The following RYR2 variants were observed in gnomAD, a reference collection of about 807,000 sequenced individuals.
The protein encoded by RYR2 is cardiac muscle ryanodine receptor-calcium release channel.
In RYR2, 227 loss-of-function variants were observed where a neutral mutation model predicts 601.1. That is an observed-to-expected ratio of 0.38 (90% CI 0.34 to 0.42). The LOEUF is 0.42. Ranked by LOEUF, RYR2 falls within the 10% of genes least tolerant of loss-of-function variation. The pLI is 1.00. For synonymous variants in RYR2, 2,223 were observed against 2,175.1 expected (o/e 1.02, Z -0.61); for missense variants, 4,646 against 6,156.5 (o/e 0.75, Z 8.21).
chr1:237,714,528 TGAA>T (rs1689098595), intron 71 of RYR2, among the ~76,000 whole-genome samples: 1 of 152,196 alleles, frequency 6.6e-6, no homozygotes, highest in South Asian at 2.1e-4. Flanking sequence ...ACAGTATATT[TGAA>T]GAAGAGTCTG....
At chr1:237,824,777 T>A (rs1166666007) in intron 101 of RYR2, among the ~76,000 whole-genome samples, 1 of 152,184 alleles carries the variant, frequency 6.6e-6, no homozygotes, top group African/African-American at 2.4e-5. Flanking sequence ...GAAAACCCCA[T>A]CATCTCAGCC....
intron 1 of RYR2, among the ~76,000 whole-genome samples, chr1:237,131,191 T>C (rs1672133078): frequency 6.6e-6 from 1 of 152,060 alleles, no homozygotes; most frequent in Non-Finnish European, 1.5e-5. Context: ...TGGGAGGAAT[T>C]TGAAGTCTGT....
chr1:237,821,616 T>C (rs1179014214), intron 101 of RYR2, among the ~76,000 whole-genome samples: 1 of 151,844 alleles, frequency 6.6e-6, no homozygotes, highest in African/African-American at 2.4e-5. Context: ...ACACCTCCTC[T>C]CCTCCAAAGT....
chr1:237,451,405 C>T (rs6429016), intron 14 of RYR2, among the ~76,000 whole-genome samples: 79,236 of 151,470 alleles, frequency 0.52, 22,115 homozygotes, highest in East Asian at 0.74. Flanking sequence ...AAACCCCATC[C>T]CTACTAAAAA....
chr1:237,814,438 T>C (rs1661570124), intron 100 of RYR2, among the ~76,000 whole-genome samples: 1 of 152,170 alleles, frequency 6.6e-6, no homozygotes, highest in Admixed American at 6.5e-5. Flanking sequence ...TCTGGTTGTT[T>C]CTGTGGCTCT....
At position 237,582,108 on chromosome 1, in the gene RYR2, A is replaced by G. The variant is rs187967829; in HGVS notation, c.3599-7685A>G. Among the ~76,000 whole-genome samples, 368 of 150,712 alleles carry G rather than the reference A, an allele frequency of 2.4e-3. 3 individuals carry two copies. The highest frequency in any genetic ancestry group is 8.6e-3 in the African/African-American group (355 of 41,070). On this transcript the variant is annotated intron_variant, in intron 29 of 104. Transcript: ENST00000366574. ...TATTTTTTATTTTTATTTTATTTTTATTTTATTTTTTGAGACAGAGTGTTG... is the reference window on the plus strand; with the variant it reads ...TATTTTTTATTTTTATTTTATTTTTGTTTTATTTTTTGAGACAGAGTGTTG...
At chr1:237,569,379 G>C in intron 29 of RYR2, 60 bp downstream of exon 29, 1 of 1,526,122 alleles carries the variant, frequency 6.6e-7, no homozygotes, top group Non-Finnish European at 8.9e-7. Context: ...CTTTCATCCT[G>C]AGGCTTCCTA....
At chr1:237,333,307 G>A (rs2149579320) in intron 3 of RYR2, among the ~76,000 whole-genome samples, 1 of 152,266 alleles carries the variant, frequency 6.6e-6, no homozygotes, top group East Asian at 1.9e-4. Context: ...CGTATATTAG[G>A]GAAAAATGAA....
intron 2 of RYR2, among the ~76,000 whole-genome samples, chr1:237,316,284 A>G (rs1038136855): frequency 1.6e-4 from 25 of 152,064 alleles, no homozygotes; most frequent in Non-Finnish European, 2.6e-4. Context: ...TATTAATGAC[A>G]CCTTACAGCA....
chr1:237,331,377 G>A (rs1286061339), intron 3 of RYR2, among the ~76,000 whole-genome samples: 2 of 152,122 alleles, frequency 1.3e-5, no homozygotes, highest in East Asian at 1.9e-4. Flanking sequence ...TATGTTCTGA[G>A]CTTTTTCATG....
intron 2 of RYR2, among the ~76,000 whole-genome samples, chr1:237,280,925 C>T (rs2149381850): frequency 6.6e-6 from 1 of 152,128 alleles, no homozygotes; most frequent in Admixed American, 6.5e-5. Flanking sequence ...GCTGGGATTA[C>T]AGGCACGCAC....
At position 237,660,052 on chromosome 1, in the gene RYR2, C is replaced by T; in HGVS notation, c.8276C>T (p.Pro2759Leu). ...TCTAAGGTTCAGCCATTAATGAAGC[C>T]ATATAAGCTATTGTCTGAAAAGGTA... is the stretch of plus-strand genomic sequence containing the variant. ...DSSKVQPLMKPYKLLSEKEKE... is the reference protein window; with the variant it reads ...DSSKVQPLMKLYKLLSEKEKE... Residue 2759 changes from proline (P) to leucine (L), a missense_variant, in exon 55 of 105, where the codon CCA (proline) becomes CTA (leucine). This residue lies in a region of RYR2 where 1,497 missense variants were observed against 1,842.6 expected (regional missense o/e 0.81). Transcript: ENST00000366574. 1 of 1,571,186 alleles carries T rather than the reference C, an allele frequency of 6.4e-7. No homozygotes were observed. Among genetic ancestry groups the T allele is most frequent in the Non-Finnish European group, 8.6e-7 (1 of 1,160,654 alleles).
chr1:237,634,159 T>C (rs1409756950), intron 43 of RYR2, among the ~76,000 whole-genome samples: 1 of 152,192 alleles, frequency 6.6e-6, no homozygotes, highest in Non-Finnish European at 1.5e-5. Context: ...ATACGTGTAC[T>C]TCCATGGTCA....
intron 1 of RYR2, among the ~76,000 whole-genome samples, chr1:237,155,165 T>C (rs1675165736): frequency 7.2e-6 from 1 of 138,416 alleles, no homozygotes; most frequent in African/African-American, 2.6e-5. Flanking sequence ...GGTATATATA[T>C]ATTTTTTTCT....
At chr1:237,656,649 A>G (rs990605465) in intron 53 of RYR2, among the ~76,000 whole-genome samples, 2 of 152,152 alleles carry the variant, frequency 1.3e-5, no homozygotes, top group South Asian at 2.1e-4. Context: ...TACTGATTCT[A>G]TGGTGACTCA....
chr1:237,362,720 G>A (rs1323285011), intron 4 of RYR2, among the ~76,000 whole-genome samples: 1 of 152,156 alleles, frequency 6.6e-6, no homozygotes, highest in African/African-American at 2.4e-5. Flanking sequence ...GGTTTGTACA[G>A]AAAGTTATTG....
Position 237,494,050 on chromosome 1 carries a change from G to A in RYR2, c.1961+963G>A, listed in dbSNP as rs181849642. ...CAGAGACTGAGCTTATAACCACCGC[G>A]CCACACTGCCTTTCTTATCCCCTGT... On this transcript the variant is annotated intron_variant, in intron 19 of 104. Transcript: ENST00000366574. 6.6e-5 allele frequency among the ~76,000 whole-genome samples: 10 copies of A among 152,174 alleles called. No individual in the cohort carries two copies. The East Asian group carries it at 7.7e-4, about 12-fold the overall frequency.
At chr1:237,298,635 A>G (rs1335211552) in intron 2 of RYR2, among the ~76,000 whole-genome samples, 2 of 152,016 alleles carry the variant, frequency 1.3e-5, no homozygotes, top group Non-Finnish European at 2.9e-5. Flanking sequence ...TAGCAACATA[A>G]CAGAGTTATG....
chr1:237,288,781 T>G (rs1691862575), intron 2 of RYR2, among the ~76,000 whole-genome samples: 1 of 152,126 alleles, frequency 6.6e-6, no homozygotes, highest in Admixed American at 6.5e-5. Flanking sequence ...CCCCTGCCTA[T>G]GGAGTCTGGA....
Sources: allele counts gnomAD v4.1 joint callset (sites outside exome capture counted in the v4.1 genomes callset), GRCh38; gene constraint gnomAD v4.1.1; regional missense constraint gnomAD v4.1.1; transcripts MANE v1.5; gene names NCBI Gene and HGNC (gene_info 2026-07-23, HGNC 2026-07-21).